The following NOVA1 variants were observed in gnomAD, a reference collection of about 807,000 sequenced individuals.
The protein encoded by NOVA1 is NOVA alternative splicing regulator 1, also known as RNA-binding protein Nova-1.
In NOVA1, 7 loss-of-function variants were observed where a neutral mutation model predicts 38.0. The observed-to-expected ratio is 0.18, with a 90% confidence interval of 0.10 to 0.35. NOVA1 has a LOEUF of 0.35. NOVA1 is among the 10% of genes least tolerant of loss of function. The pLI, the probability that NOVA1 is intolerant of heterozygous loss-of-function variation, is 1.00. For synonymous variants in NOVA1, 270 were observed against 232.5 expected, an observed-to-expected ratio of 1.16 and a Z score of -1.47; for missense variants, 460 against 616.0, an observed-to-expected ratio of 0.75 and a Z score of 2.68.
rs546920756 is a variant in NOVA1, at chr14:26,447,926, G to A, written c.*33C>T. The A allele has an allele frequency of 6.4e-7, 1 of 1,559,790 alleles. No individual in the cohort carries two copies. Among genetic ancestry groups the A allele is most frequent in the South Asian group, 1.1e-5 (1 of 89,536 alleles). On this transcript the variant is annotated 3_prime_UTR_variant, in exon 5 of 5. Coordinates refer to ENST00000539517, the MANE Select transcript of NOVA1 (RefSeq NM_002515.3). The stretch of plus-strand genomic sequence containing the variant: ...CCTTCTTGAAAATGGGGTAAAGGAG[G>A]GGTTAAAACAATCTGATGTGTAACT...
intron 2 of NOVA1, among the ~76,000 whole-genome samples, chr14:26,536,114 G>A (rs779002384): frequency 5.9e-5 from 9 of 151,926 alleles, no homozygotes; most frequent in Admixed American, 1.3e-4. Flanking sequence ...GGCATAGAAC[G>A]ACAAAGACTG....
rs777402131 is a variant in NOVA1 at position 26,595,444 on chromosome 14, G to A, written c.246C>T (p.Thr82=). 1 of 1,613,906 alleles carries A rather than the reference G, an allele frequency of 6.2e-7. No homozygotes were observed. Among genetic ancestry groups the A allele is most frequent in the South Asian group, 1.1e-5 (1 of 91,074 alleles). ...IVQLQKETGA[T]IKLSKSKDFY... ...AATCTTTGGACTTAGACAGCTTGATGGTGGCTCCAGTTTCTTTTTGCAACT... is the reference window on the plus strand; with the variant it reads ...AATCTTTGGACTTAGACAGCTTGATAGTGGCTCCAGTTTCTTTTTGCAACT... Residue 82 remains threonine (T), a synonymous_variant, in exon 2 of 5, where the codon ACC becomes ACT. Coordinates refer to ENST00000539517, the MANE Select transcript of NOVA1 (RefSeq NM_002515.3).
At chr14:26,495,781 A>G (rs1270083083) in intron 2 of NOVA1, among the ~76,000 whole-genome samples, 290 of 136,210 alleles carry the variant, frequency 2.1e-3, no homozygotes, top group Non-Finnish European at 2.8e-3. Context: ...TTTACTGAGA[A>G]TGATGATTTC....
intron 2 of NOVA1, among the ~76,000 whole-genome samples, chr14:26,484,883 T>G (rs1350891203): frequency 6.6e-6 from 1 of 152,012 alleles, no homozygotes; most frequent in Non-Finnish European, 1.5e-5. Context: ...TTGATAAAAA[T>G]GTATTGAGTC....
intron 2 of NOVA1, among the ~76,000 whole-genome samples, chr14:26,496,097 G>C (rs1566477970): frequency 1.4e-5 from 2 of 146,580 alleles, no homozygotes; most frequent in African/African-American, 5.0e-5. Flanking sequence ...GGTTGAACTA[G>C]TTTACAGTCC....
At chr14:26,513,393 C>T (rs966983510) in intron 2 of NOVA1, among the ~76,000 whole-genome samples, 5 of 151,662 alleles carry the variant, frequency 3.3e-5, no homozygotes, top group African/African-American at 4.8e-5. Flanking sequence ...ACATGCAATG[C>T]TTTGAAATTA....
chr14:26,473,064 A>G (rs1485036435), intron 3 of NOVA1, among the ~76,000 whole-genome samples: 1 of 151,848 alleles, frequency 6.6e-6, no homozygotes, highest in African/African-American at 2.4e-5. Flanking sequence ...TCATCATAAT[A>G]TTTTTATTAT....
intron 2 of NOVA1, among the ~76,000 whole-genome samples, chr14:26,544,756 G>A (rs1303069514): frequency 1.3e-5 from 2 of 151,996 alleles, no homozygotes; most frequent in African/African-American, 4.8e-5. Flanking sequence ...CAAGAATAGA[G>A]TAGAGATGCA....
At chr14:26,581,096 CAAG>C (rs1893193198) in intron 2 of NOVA1, among the ~76,000 whole-genome samples, 1 of 151,874 alleles carries the variant, frequency 6.6e-6, no homozygotes, top group South Asian at 2.1e-4. Context: ...ACTGGAGGTA[CAAG>C]AAGATTAAAT....
At chr14:26,475,023 AAAGT>A (rs1444067160) in intron 3 of NOVA1, among the ~76,000 whole-genome samples, 2 of 152,116 alleles carry the variant, frequency 1.3e-5, no homozygotes, top group Non-Finnish European at 2.9e-5. Context: ...TAAATATACT[AAAGT>A]AATACTTGTA....
chr14:26,565,612 G>T (rs918514534), intron 2 of NOVA1, among the ~76,000 whole-genome samples: 8 of 152,102 alleles, frequency 5.3e-5, no homozygotes, highest in Non-Finnish European at 1.0e-4. Context: ...GAAAAAGATG[G>T]ACCATGGTTC....
At chr14:26,494,560 T>C (rs1437356726) in intron 2 of NOVA1, among the ~76,000 whole-genome samples, 2 of 152,186 alleles carry the variant, frequency 1.3e-5, no homozygotes, top group Non-Finnish European at 2.9e-5. Flanking sequence ...GCTATAGTAT[T>C]ATGGCATTTT....
chr14:26,526,844 T>C (rs985748439), intron 2 of NOVA1, among the ~76,000 whole-genome samples: 17 of 152,292 alleles, frequency 1.1e-4, no homozygotes, highest in African/African-American at 3.8e-4. Context: ...AAATGCATGA[T>C]AAACCAGTGA....
In NOVA1 at chr14:26,443,884, C is replaced by A. The variant is rs1881873007; in HGVS notation, c.*4075G>T. On this transcript the variant is annotated 3_prime_UTR_variant, in exon 5 of 5. Coordinates refer to ENST00000539517, the MANE Select transcript of NOVA1 (RefSeq NM_002515.3). ...TGTATTTAATGAGTGATGAATATTT[C>A]TCCTACTAACAGAGTAACTAGTCTC... 6.6e-6 allele frequency: 1 copy of A among 151,940 alleles called. No individual in the cohort carries two copies. 9.4% of individuals were successfully genotyped at this position (151,940 alleles called of 1,614,324 possible).
chr14:26,535,991 A>G (rs1890059680), intron 2 of NOVA1, among the ~76,000 whole-genome samples: 1 of 151,966 alleles, frequency 6.6e-6, no homozygotes, highest in Non-Finnish European at 1.5e-5. Context: ...AAAAAAAAAA[A>G]AAAATGTGGT....
At chr14:26,535,677 G>A (rs1484005670) in intron 2 of NOVA1, among the ~76,000 whole-genome samples, 2 of 152,100 alleles carry the variant, frequency 1.3e-5, no homozygotes, top group Non-Finnish European at 2.9e-5. Context: ...TGGTACATAG[G>A]CCGGGCGTGG....
At chr14:26,575,495 C>T (rs1011333690) in intron 2 of NOVA1, among the ~76,000 whole-genome samples, 14 of 152,078 alleles carry the variant, frequency 9.2e-5, no homozygotes, top group African/African-American at 3.4e-4. Flanking sequence ...AGATTTTAAG[C>T]TTTAATATTG....
chr14:26,566,191 G>T (rs571009683), intron 2 of NOVA1, among the ~76,000 whole-genome samples: 3 of 152,232 alleles, frequency 2.0e-5, no homozygotes, highest in African/African-American at 7.2e-5. Context: ...GTTACTAAAA[G>T]ATATCGTACA....
chr14:26,593,994 G>C (rs1324407355), intron 2 of NOVA1: 2 of 151,752 alleles, frequency 1.3e-5, no homozygotes, highest in Non-Finnish European at 3.0e-5. Flanking sequence ...GCTCTTTTGA[G>C]TGCTTTTATT....
Sources: allele counts gnomAD v4.1 joint callset (sites outside exome capture counted in the v4.1 genomes callset), GRCh38; gene constraint gnomAD v4.1.1; transcripts MANE v1.5; gene names NCBI Gene and HGNC (gene_info 2026-07-23, HGNC 2026-07-21).